The following NCAM2 variants were observed in gnomAD, a reference collection of about 807,000 sequenced individuals.
The protein encoded by NCAM2 is N-CAM-2.
NCAM2 carries 30 observed loss-of-function variants against 98.1 expected under a neutral mutation model. That is an observed-to-expected ratio of 0.31 (90% CI 0.23 to 0.41). NCAM2 has a LOEUF of 0.41. Ranked by LOEUF, NCAM2 falls within the 10% of genes least tolerant of loss-of-function variation. The probability of loss-of-function intolerance (pLI) is 1.00; values close to 1 mark genes in which losing one functional copy is unlikely to be tolerated. For missense variants in NCAM2, 867 were observed against 1,005.8 expected, an observed-to-expected ratio of 0.86 and a Z score of 1.87; for synonymous variants, 368 against 342.4, an observed-to-expected ratio of 1.07 and a Z score of -0.83.
intron 1 of NCAM2, among the ~76,000 whole-genome samples, chr21:21,071,085 C>G (rs986713759): frequency 6.6e-6 from 1 of 152,070 alleles, no homozygotes; most frequent in African/African-American, 2.4e-5. Context: ...AACACATAAT[C>G]AAAGCTTCTG....
chr21:21,299,140 G>C (rs958711521), intron 5 of NCAM2, among the ~76,000 whole-genome samples: 1 of 151,608 alleles, frequency 6.6e-6, no homozygotes, highest in African/African-American at 2.4e-5. Flanking sequence ...TTGTGGAGAT[G>C]AATGGCATTC....
chr21:21,212,923 T>C (rs1257707348), intron 1 of NCAM2, among the ~76,000 whole-genome samples: 1 of 151,970 alleles, frequency 6.6e-6, no homozygotes, highest in Non-Finnish European at 1.5e-5. Flanking sequence ...TTTGTATTTT[T>C]AGTAGAGATG....
intron 12 of NCAM2, among the ~76,000 whole-genome samples, chr21:21,442,348 C>T (rs1391662869): frequency 2.6e-5 from 4 of 152,028 alleles, no homozygotes; most frequent in African/African-American, 4.8e-5. Context: ...TCCTTAGATG[C>T]GTAGGAACAT....
chr21:21,503,349 G>A (rs1341681526), intron 15 of NCAM2, among the ~76,000 whole-genome samples: 1 of 151,840 alleles, frequency 6.6e-6, no homozygotes, highest in African/African-American at 2.4e-5. Context: ...TAAAATAAGG[G>A]TTATTGAACA....
chr21:21,496,691 C>G (rs1987261481), intron 15 of NCAM2, among the ~76,000 whole-genome samples: 1 of 152,026 alleles, frequency 6.6e-6, no homozygotes, highest in South Asian at 2.1e-4. Flanking sequence ...CTTGCCAAGG[C>G]CAATGTCAAG....
intron 1 of NCAM2, among the ~76,000 whole-genome samples, chr21:21,082,026 G>A (rs923506016): frequency 6.7e-6 from 1 of 150,186 alleles, no homozygotes; most frequent in African/African-American, 2.4e-5. Flanking sequence ...TCAGGAGTTC[G>A]AGACCAGCCT....
intron 16 of NCAM2, among the ~76,000 whole-genome samples, chr21:21,513,766 T>C (rs1988537940): frequency 6.6e-6 from 1 of 152,192 alleles, no homozygotes; most frequent in Non-Finnish European, 1.5e-5. Flanking sequence ...TCTGCCTGGA[T>C]GTCTTGTCCA....
At chr21:21,513,417 A>G (rs1988515270) in intron 16 of NCAM2, among the ~76,000 whole-genome samples, 1 of 152,004 alleles carries the variant, frequency 6.6e-6, no homozygotes, top group Non-Finnish European at 1.5e-5. Context: ...GTTTCAATAA[A>G]TTTTTAATTT....
intron 1 of NCAM2, among the ~76,000 whole-genome samples, chr21:21,148,617 TC>T (rs1213877523): frequency 1.3e-5 from 2 of 152,158 alleles, no homozygotes; most frequent in African/African-American, 4.8e-5. Flanking sequence ...TAGATAAGAA[TC>T]CTAGGCCTGA....
chr21:21,349,907 G>A (rs1030622459), intron 8 of NCAM2, among the ~76,000 whole-genome samples: 4 of 152,254 alleles, frequency 2.6e-5, no homozygotes, highest in Non-Finnish European at 5.9e-5. Flanking sequence ...ATAGAAGAAT[G>A]GTAACCAGAT....
At position 21,064,200 on chromosome 21, in the gene NCAM2, C is replaced by G. The variant is rs897325936; in HGVS notation, c.55+65582C>G. 3.1e-4 allele frequency among the ~76,000 whole-genome samples: 47 copies of G among 152,278 alleles called. 1 individual carries two copies. The highest frequency in any genetic ancestry group is 2.9e-3 in the Admixed American group (45 of 15,298). On this transcript the variant is annotated intron_variant, in intron 1 of 17. Coordinates refer to ENST00000400546, the MANE Select transcript of NCAM2 (RefSeq NM_004540.5). ...TGGAGATATTGGTGGGGGCAAGGTT[C>G]ATGCCAGCCACTGAGGGCGTGCTAA...
chr21:21,335,686 G>A (rs2074845932), intron 7 of NCAM2, 21 bp downstream of exon 7: 3 of 1,562,518 alleles, frequency 1.9e-6, no homozygotes, highest in East Asian at 2.3e-5. Context: ...TAGCATAGTG[G>A]CTAAAACTGT....
intron 14 of NCAM2, among the ~76,000 whole-genome samples, chr21:21,474,008 C>G (rs1984826138): frequency 6.6e-6 from 1 of 151,546 alleles, no homozygotes; most frequent in Admixed American, 6.6e-5. Context: ...TTAATAATAG[C>G]CATATTCAGC....
Position 21,508,808 on chromosome 21 carries a change from C to CTTTTTTTTTTTTTTTTTTTT in NCAM2, c.2078-30_2078-11dup, listed in dbSNP as rs764097299. ...ATTTAGAGGTTTAATACTTTTTTTC[C>CTTTTTTTTTTTTTTTTTTTT]TTTTTTTTTTTTTTTTTTTTTTTTT... is the stretch of plus-strand genomic sequence containing the variant. On this transcript the variant is annotated intron_variant, in intron 15 of 17. Transcript: ENST00000400546. 1.9e-5 allele frequency: 8 copies of CTTTTTTTTTTTTTTTTTTTT among 413,280 alleles called. 3 individuals carry two copies. The highest frequency in any genetic ancestry group is 1.0e-4 in the African/African-American group (3 of 29,358). The allele number at this position is 413,280 out of a possible 1,614,324, so 25.6% of individuals were successfully genotyped here. A position where few individuals can be genotyped will look rare whatever the true frequency, so the allele number is the denominator to read the frequency against.
intron 16 of NCAM2, among the ~76,000 whole-genome samples, chr21:21,534,201 G>T (rs1989861922): frequency 6.6e-6 from 1 of 151,868 alleles, no homozygotes; most frequent in African/African-American, 2.4e-5. Flanking sequence ...AAACCTACTT[G>T]ATGCTGTACA....
chr21:21,309,742 C>G (rs978900982), intron 5 of NCAM2, among the ~76,000 whole-genome samples: 1 of 152,160 alleles, frequency 6.6e-6, no homozygotes, highest in African/African-American at 2.4e-5. Flanking sequence ...CCTCCGCACT[C>G]AGAGAGACCT....
chr21:21,446,109 A>T (rs147943126), intron 12 of NCAM2, among the ~76,000 whole-genome samples: 76 of 152,206 alleles, frequency 5.0e-4, no homozygotes, highest in African/African-American at 1.7e-3. Flanking sequence ...TTGGCCGGGT[A>T]TGAAATTCTG....
At chr21:21,481,196 G>C (rs557599420) in intron 15 of NCAM2, among the ~76,000 whole-genome samples, 27 of 152,294 alleles carry the variant, frequency 1.8e-4, no homozygotes, top group African/African-American at 2.9e-4. Context: ...GTGATTTCCA[G>C]AGAATATTTC....
chr21:21,228,419 A>T (rs1446714636), intron 1 of NCAM2, among the ~76,000 whole-genome samples: 1 of 151,446 alleles, frequency 6.6e-6, no homozygotes, highest in Non-Finnish European at 1.5e-5. Flanking sequence ...TATTGCAGTG[A>T]CTGTAATAAC....
Sources: allele counts gnomAD v4.1 joint callset (sites outside exome capture counted in the v4.1 genomes callset), GRCh38; gene constraint gnomAD v4.1.1; transcripts MANE v1.5; gene names NCBI Gene and HGNC (gene_info 2026-07-23, HGNC 2026-07-21).